TGM7: variants seen among roughly 807,000 people sequenced by gnomAD.
TGM7 encodes the protein protein-glutamine gamma-glutamyltransferase Z.
TGM7 carries 74 observed loss-of-function variants against 79.5 expected under a neutral mutation model. The ratio of observed to expected loss-of-function variants is 0.93; its 90% CI spans 0.77 to 1.13. The LOEUF is 1.13. Ranked by LOEUF, TGM7 falls within the 50% of genes most tolerant of loss-of-function variation. The pLI, the probability that TGM7 is intolerant of heterozygous loss-of-function variation, is 0.00. For synonymous variants in TGM7, 354 were observed against 362.5 expected, an observed-to-expected ratio of 0.98 and a Z score of 0.27; for missense variants, 912 against 905.9, an observed-to-expected ratio of 1.01 and a Z score of -0.09.
At chr15:43,287,805 C>A in intron 4 of TGM7, 136 bp from the exon 5 acceptor site, 6 of 975,350 alleles carry the variant, frequency 6.2e-6, no homozygotes, top group Non-Finnish European at 8.9e-6. Context: ...AAATATAAGA[C>A]AAGTTCCTGC....
chr15:43,301,312 G>A (rs1183020099), intron 1 of TGM7, among the ~76,000 whole-genome samples: 7 of 151,100 alleles, frequency 4.6e-5, no homozygotes, highest in South Asian at 2.1e-4. Flanking sequence ...ATTAGAACAT[G>A]ATACATGCTT....
intron 1 of TGM7, among the ~76,000 whole-genome samples, chr15:43,297,522 G>GCAAA (rs2043003068): frequency 7.7e-6 from 1 of 129,378 alleles, no homozygotes. Flanking sequence ...AAGGAAGGAA[G>GCAAA]GAAAGAAAGA....
rs1450605834 is a variant in TGM7, at chr15:43,302,224, CG to C, written c.10+16del. 6.2e-7 allele frequency: 1 copy of C among 1,614,012 alleles called. No individual in the cohort carries two copies. Among genetic ancestry groups the C allele is most frequent in the Non-Finnish European group, 8.5e-7 (1 of 1,180,030 alleles). On this transcript the variant is annotated intron_variant, in intron 1 of 12. Coordinates refer to ENST00000452443, the MANE Select transcript of TGM7 (RefSeq NM_052955.3). ...ACTTAGCACCTCCGAAAAGGTAAGT[CG>C]ATTCCCAGTACTCACCCTGATCCAT...
chr15:43,301,051 A>C (rs1337506438), intron 1 of TGM7, among the ~76,000 whole-genome samples: 1 of 152,032 alleles, frequency 6.6e-6, no homozygotes, highest in Non-Finnish European at 1.5e-5. Flanking sequence ...GCGCAATCTC[A>C]GCTCAATGCA....
chr15:43,297,665 G>A (rs772794613), intron 1 of TGM7, among the ~76,000 whole-genome samples: 1 of 141,336 alleles, frequency 7.1e-6, no homozygotes, highest in Non-Finnish European at 1.6e-5. Context: ...CATTGAAACA[G>A]CCATCTGCAT....
intron 8 of TGM7, 108 bp from the exon 9 acceptor site, chr15:43,282,194 A>G: frequency 6.8e-7 from 1 of 1,462,876 alleles, no homozygotes; most frequent in East Asian, 2.4e-5. Flanking sequence ...CCCGTGGGAT[A>G]TCTTCCAGTT....
chr15:43,299,932 A>T (rs1475447357), intron 1 of TGM7, among the ~76,000 whole-genome samples: 1 of 151,980 alleles, frequency 6.6e-6, no homozygotes, highest in Middle Eastern at 3.4e-3. Flanking sequence ...TCAAGTCCAA[A>T]CTCCTTAGCC....
At chr15:43,282,981 C>T (rs1200034645) in intron 7 of TGM7, among the ~76,000 whole-genome samples, 3 of 152,076 alleles carry the variant, frequency 2.0e-5, no homozygotes, top group Non-Finnish European at 2.9e-5. Flanking sequence ...ACCCAGGAGG[C>T]GGAGCTTGCA....
In TGM7 at chr15:43,302,224, C is replaced by A; in HGVS notation, c.10+17G>T. On this transcript the variant is annotated intron_variant, in intron 1 of 12. Transcript: ENST00000452443. ...ACTTAGCACCTCCGAAAAGGTAAGT[C>A]GATTCCCAGTACTCACCCTGATCCA... 6.2e-7 allele frequency: 1 copy of A among 1,614,130 alleles called. No homozygotes were observed. The highest frequency in any genetic ancestry group is 8.5e-7 in the Non-Finnish European group (1 of 1,180,022).
At chr15:43,297,893 C>G (rs774307493) in intron 1 of TGM7, among the ~76,000 whole-genome samples, 1 of 152,200 alleles carries the variant, frequency 6.6e-6, no homozygotes, top group Non-Finnish European at 1.5e-5. Context: ...CACTTAATAT[C>G]TAGAATTGGT....
chr15:43,279,784 G>A lies in TGM7; in HGVS notation c.1519C>T (p.Gln507Ter). The A allele has an allele frequency of 6.2e-7, 1 of 1,614,140 alleles. No homozygotes were observed. The highest frequency in any genetic ancestry group is 1.1e-5 in the South Asian group (1 of 91,092). Reference sequence around the variant, plus strand: ...ACCCTCTGGATACGCAGCAGCAGCTGCAGGTCCTGGCCCCACTCGGGTATC... The same window carrying A: ...ACCCTCTGGATACGCAGCAGCAGCTACAGGTCCTGGCCCCACTCGGGTATC... ...ARIPEWGQDLQLLLRIQRVPD... is the reference protein window; with the variant it reads ...ARIPEWGQDL Residue 507 changes from glutamine (Q) to a stop codon, truncating the protein, a stop_gained, in exon 10 of 13, where the codon CAG (glutamine) becomes TAG (stop). Transcript: ENST00000452443. LOFTEE classifies it high-confidence loss of function.
At position 43,276,320 on chromosome 15, in the gene TGM7, G is replaced by T; in HGVS notation, c.*135C>A. The T allele has an allele frequency of 9.8e-7, 1 of 1,022,104 alleles. No individual in the cohort carries two copies. Among genetic ancestry groups the T allele is most frequent in the Non-Finnish European group, 1.4e-6 (1 of 700,336 alleles). 63.3% of individuals were successfully genotyped at this position (1,022,104 alleles called of 1,614,324 possible). A position where few individuals can be genotyped will look rare whatever the true frequency, so the allele number is the denominator to read the frequency against. ...TTATTGTCTCTTCCCAAAGCACACG[G>T]TGTTTCTAACAGAGCTTCATTCATT... is the stretch of plus-strand genomic sequence containing the variant. On this transcript the variant is annotated 3_prime_UTR_variant, in exon 13 of 13. Transcript: ENST00000452443.
At chr15:43,298,925 C>T (rs2043013352) in intron 1 of TGM7, among the ~76,000 whole-genome samples, 1 of 151,566 alleles carries the variant, frequency 6.6e-6, no homozygotes, top group Admixed American at 6.6e-5. Context: ...GAGTTGGCTA[C>T]ATAAACTTGA....
In TGM7 at chr15:43,282,187, G is replaced by A. The variant is rs565044440; in HGVS notation, c.1109-101C>T. ...GCAGCGGCACCACTGACTCTCACCC[G>A]TGGGATATCTTCCAGTTTACCAAGC... On this transcript the variant is annotated intron_variant, in intron 8 of 12. Coordinates refer to ENST00000452443, the MANE Select transcript of TGM7 (RefSeq NM_052955.3). 5.0e-4 allele frequency: 747 copies of A among 1,488,800 alleles called. 6 individuals carry two copies. In the African/African-American group the frequency reaches 8.3e-3, roughly 17 times the overall value. The allele number at this position is 1,488,800 out of a possible 1,614,324, so 92.2% of individuals were successfully genotyped here. A position where few individuals can be genotyped will look rare whatever the true frequency, so the allele number is the denominator to read the frequency against.
intron 1 of TGM7, among the ~76,000 whole-genome samples, chr15:43,299,113 A>AT (rs1482467040): frequency 6.6e-6 from 1 of 152,156 alleles, no homozygotes; most frequent in Non-Finnish European, 1.5e-5. Flanking sequence ...ATTATTGGAA[A>AT]TTTTCTTTCC....
rs776023747 is a variant in TGM7, at chr15:43,282,022, A to G, written c.1173T>C (p.Tyr391=). Residue 391 remains tyrosine (Y), a synonymous_variant, in exon 9 of 13, where the codon TAT becomes TAC. Coordinates refer to ENST00000452443, the MANE Select transcript of TGM7 (RefSeq NM_052955.3). ...AIREGDVHLA[Y]DTPFVYAEVN... is the part of the protein sequence containing the mutation. ...CCTCGGCATACACAAAAGGGGTGTC[A>G]TAGGCCAGGTGGACATCCCCTTCCC... The G allele has an allele frequency of 1.4e-5, 22 of 1,614,066 alleles. No individual in the cohort carries two copies. In the East Asian group the frequency reaches 4.9e-4, roughly 36 times the overall value.
At chr15:43,292,124 G>T in intron 3 of TGM7, 27 bp from the exon 4 acceptor site, 1 of 1,533,270 alleles carries the variant, frequency 6.5e-7, no homozygotes, top group Non-Finnish European at 9.0e-7. Context: ...AGTGGAGGGG[G>T]CAAAACCCCA....
Position 43,276,475 on chromosome 15 carries a change from T to G in TGM7, c.2113A>C (p.Thr705Pro). The G allele has an allele frequency of 6.2e-7, 1 of 1,613,644 alleles. No individual in the cohort carries two copies. The highest frequency in any genetic ancestry group is 1.1e-5 in the South Asian group (1 of 90,996). Residue 705 changes from threonine to proline, a missense_variant, in exon 13 of 13, where the codon ACT becomes CCT. By Grantham distance (38) the Thr-to-Pro change is conservative. Transcript: ENST00000452443. ...EIKGYKDIFV[T>P]VAGAP ...GGGTCTCAGGGAGCCCCAGCCACAGTGACGAAGATGTCCTTGTAGCCTTTG... is the reference window on the plus strand; with the variant it reads ...GGGTCTCAGGGAGCCCCAGCCACAGGGACGAAGATGTCCTTGTAGCCTTTG...
rs141012742 is a variant in TGM7, at chr15:43,293,474, G to A, written c.168C>T (p.Asp56=). 4.3e-4 allele frequency: 692 copies of A among 1,608,490 alleles called. 1 individual carries two copies. The highest frequency in any genetic ancestry group is 4.7e-4 in the Non-Finnish European group (554 of 1,177,074). Residue 56 remains aspartate, a synonymous_variant, in exon 2 of 13, where the codon GAC becomes GAT. Coordinates refer to ENST00000452443, the MANE Select transcript of TGM7 (RefSeq NM_052955.3). ...CGGTCTCAGCCACAAAGGTGATGTG[G>A]TCGTTCTGGGACTGGAAGGGTCGGC... ...SFSRPFQSQN[D]HITFVAETGP...
Sources: allele counts gnomAD v4.1 joint callset (sites outside exome capture counted in the v4.1 genomes callset), GRCh38; gene constraint gnomAD v4.1.1; transcripts MANE v1.5; gene names NCBI Gene and HGNC (gene_info 2026-07-23, HGNC 2026-07-21).